Variants in SLC12A8 observed in about 807,000 individuals in gnomAD.
The protein encoded by SLC12A8 is cation-chloride cotransporter 9.
In SLC12A8, 69 loss-of-function variants were observed where a neutral mutation model predicts 75.6. The ratio of observed to expected loss-of-function variants is 0.91; its 90% CI spans 0.75 to 1.11. SLC12A8 has a LOEUF of 1.11. SLC12A8 is among the 50% of genes most tolerant of loss of function. The probability of loss-of-function intolerance (pLI) is 0.00; values close to 1 mark genes in which losing one functional copy is unlikely to be tolerated. For missense variants in SLC12A8, 877 were observed against 896.7 expected (o/e 0.98, Z 0.28); for synonymous variants, 365 against 372.8 (o/e 0.98, Z 0.24).
chr3:125,115,001 G>T (rs1257692035), intron 8 of SLC12A8, among the ~76,000 whole-genome samples: 1 of 152,150 alleles, frequency 6.6e-6, no homozygotes, highest in Non-Finnish European at 1.5e-5. Context: ...GGGAGAAAAT[G>T]TGTTCCTAAA....
At chr3:125,188,408 T>G (rs1425605488) in intron 3 of SLC12A8, among the ~76,000 whole-genome samples, 4 of 152,210 alleles carry the variant, frequency 2.6e-5, no homozygotes, top group African/African-American at 9.6e-5. Flanking sequence ...TAACATGGAC[T>G]AATACGGAGC....
At chr3:125,172,758 AC>A (rs1471713269) in intron 5 of SLC12A8, among the ~76,000 whole-genome samples, 1 of 152,158 alleles carries the variant, frequency 6.6e-6, no homozygotes, top group African/African-American at 2.4e-5. Flanking sequence ...TCTTTACTTT[AC>A]TTTTTACATT....
intron 5 of SLC12A8, among the ~76,000 whole-genome samples, chr3:125,153,549 G>T (rs1186585380): frequency 6.6e-6 from 1 of 152,210 alleles, no homozygotes; most frequent in African/African-American, 2.4e-5. Context: ...AGACAAATAC[G>T]AGGAGTTGGG....
At chr3:125,198,839 G>A (rs6798073) in intron 2 of SLC12A8, among the ~76,000 whole-genome samples, 48,065 of 149,692 alleles carry the variant, frequency 0.32, 8,339 homozygotes, top group Non-Finnish European at 0.39. Context: ...GTGCAGTGGC[G>A]TGATCTCGGC....
intron 5 of SLC12A8, among the ~76,000 whole-genome samples, chr3:125,152,965 A>C (rs1015360945): frequency 6.6e-6 from 1 of 152,142 alleles, no homozygotes; most frequent in Non-Finnish European, 1.5e-5. Context: ...GGGAGGAAGA[A>C]AGAAAGGGAG....
intron 2 of SLC12A8, among the ~76,000 whole-genome samples, chr3:125,198,819 C>G (rs1393834247): frequency 6.6e-6 from 1 of 151,274 alleles, no homozygotes; most frequent in Non-Finnish European, 1.5e-5. Flanking sequence ...GCTCTATCAC[C>G]CAGGCTGGAG....
intron 5 of SLC12A8, among the ~76,000 whole-genome samples, chr3:125,162,561 C>T (rs907102051): frequency 3.3e-5 from 5 of 152,204 alleles, no homozygotes; most frequent in East Asian, 1.9e-4. Flanking sequence ...TTAGCACCAG[C>T]GAGGACTTCC....
At chr3:125,104,492 A>G (rs1431812033) in intron 10 of SLC12A8, among the ~76,000 whole-genome samples, 2 of 132,648 alleles carry the variant, frequency 1.5e-5, no homozygotes, top group African/African-American at 5.8e-5. Context: ...ACAAAAATAG[A>G]TGATGTTCAA....
chr3:125,105,221 G>A (rs1296284808), intron 10 of SLC12A8, among the ~76,000 whole-genome samples: 1 of 150,894 alleles, frequency 6.6e-6, no homozygotes. Context: ...ATAGAGGGGG[G>A]ATGGAGGGAT....
chr3:125,208,791 C>CAGAGAGAG (rs1287670719), intron 2 of SLC12A8, among the ~76,000 whole-genome samples: 3 of 84,182 alleles, frequency 3.6e-5, no homozygotes, highest in African/African-American at 4.8e-5. Context: ...CACACACACA[C>CAGAGAGAG]AGAGAGAGAG....
At position 125,208,773 on chromosome 3, in the gene SLC12A8, CACACACACACACACACACAG is replaced by C. The variant is rs1224821454; in HGVS notation, c.51+2506_51+2525del. ...ACACACACACACACACACACACACA[CACACACACACACACACACAG>C]AGAGAGAGAGAGAGAGAGAGAGAGA... On this transcript the variant is annotated intron_variant, in intron 2 of 13. Coordinates refer to ENST00000469902, the MANE Select transcript of SLC12A8 (RefSeq NM_024628.6). Among the ~76,000 whole-genome samples the C allele has an allele frequency of 6.3e-4, 81 of 127,658 alleles. No homozygotes were observed. In the South Asian group the frequency reaches 0.017, roughly 26 times the overall value. 83.7% of individuals were successfully genotyped at this position (127,658 alleles called of 152,430 possible). A position where few individuals can be genotyped will look rare whatever the true frequency, so the allele number is the denominator to read the frequency against.
intron 10 of SLC12A8, among the ~76,000 whole-genome samples, chr3:125,097,528 TTGTGTGTGTGTGTGTGTGTGTG>T (rs147038912): frequency 1.2e-3 from 166 of 139,318 alleles, no homozygotes; most frequent in Non-Finnish European, 1.5e-3. Context: ...CTAAAGGGAA[TTGTGTGTGTGTGTGTGTGTGTG>T]TGTGTGTGTG....
At chr3:125,162,945 G>C (rs1297290421) in intron 5 of SLC12A8, among the ~76,000 whole-genome samples, 1 of 152,134 alleles carries the variant, frequency 6.6e-6, no homozygotes, top group African/African-American at 2.4e-5. Context: ...AAAAGAGTCA[G>C]AGTCAGAAAG....
chr3:125,201,525 A>G (rs1409236602), intron 2 of SLC12A8, among the ~76,000 whole-genome samples: 1 of 152,124 alleles, frequency 6.6e-6, no homozygotes, highest in African/African-American at 2.4e-5. Flanking sequence ...CTGTAATCCC[A>G]GTACTTTGGG....
intron 10 of SLC12A8, among the ~76,000 whole-genome samples, chr3:125,101,324 C>T (rs937541498): frequency 6.6e-6 from 1 of 152,244 alleles, no homozygotes; most frequent in Non-Finnish European, 1.5e-5. Flanking sequence ...ATAGGATGTG[C>T]TCAGTAAGTG....
chr3:125,177,345 G>T (rs533701670), intron 5 of SLC12A8, among the ~76,000 whole-genome samples: 14 of 140,206 alleles, frequency 1.0e-4, no homozygotes, highest in Non-Finnish European at 1.7e-4. Flanking sequence ...GGAGGGGGGA[G>T]GATTGCATTA....
rs769074822 is a variant in SLC12A8, at chr3:125,091,444, T to C, written c.1916A>G (p.His639Arg). Residue 639 changes from histidine to arginine, a missense_variant, in exon 12 of 14, where the codon CAC becomes CGC. His to Arg is a conservative substitution (Grantham distance 29, BLOSUM62 0). Coordinates refer to ENST00000469902, the MANE Select transcript of SLC12A8 (RefSeq NM_024628.6). ...AAAATGGCTCTGCTGCTTACCAAGG[T>C]GAAGCCCTGGACTGGCCCGGCCAAT... ...FYIGRASPGL[H>R]LGSASNFSFF... 1 of 1,611,440 alleles carries C rather than the reference T, an allele frequency of 6.2e-7. No homozygotes were observed.
Position 125,208,791 on chromosome 3 carries a change from C to CACACAGAG in SLC12A8, c.51+2507_51+2508insCTCTGTGT, listed in dbSNP as rs1368605617. On this transcript the variant is annotated intron_variant, in intron 2 of 13. Transcript: ENST00000469902. Reference sequence around the variant, plus strand: ...ACACACACACACACACACACACACACAGAGAGAGAGAGAGAGAGAGAGAGA... The same window carrying CACACAGAG: ...ACACACACACACACACACACACACACACACAGAGAGAGAGAGAGAGAGAGAGAGAGAGA... Among the ~76,000 whole-genome samples, 566 of 84,164 alleles carry CACACAGAG rather than the reference C, an allele frequency of 6.7e-3. 2 individuals carry two copies. Among genetic ancestry groups the CACACAGAG allele is most frequent in the Non-Finnish European group, 0.012 (492 of 42,402 alleles). 55.2% of individuals were successfully genotyped at this position (84,164 alleles called of 152,430 possible).
chr3:125,101,954 T>C (rs1938888181), intron 10 of SLC12A8, among the ~76,000 whole-genome samples: 1 of 152,206 alleles, frequency 6.6e-6, no homozygotes, highest in African/African-American at 2.4e-5. Context: ...TAAAAAGACA[T>C]AGTTTGAAAA....
Sources: allele counts gnomAD v4.1 joint callset (sites outside exome capture counted in the v4.1 genomes callset), GRCh38; gene constraint gnomAD v4.1.1; transcripts MANE v1.5; gene names NCBI Gene and HGNC (gene_info 2026-07-23, HGNC 2026-07-21).